The following TAF4B variants were observed in gnomAD, a reference collection of about 807,000 sequenced individuals.
TAF4B encodes the protein TATA-box binding protein associated factor 4b.
In TAF4B, 38 loss-of-function variants were observed where a neutral mutation model predicts 86.4. The ratio of observed to expected loss-of-function variants is 0.44; its 90% CI spans 0.34 to 0.58. The LOEUF (loss-of-function observed/expected upper bound fraction) is 0.58. Ranked by LOEUF, TAF4B falls within the 20% of genes least tolerant of loss-of-function variation. The pLI is 0.02. For synonymous variants in TAF4B, 388 were observed against 391.2 expected (o/e 0.99, Z 0.10); for missense variants, 988 against 1,027.6 (o/e 0.96, Z 0.53).
chr18:26,292,225 T>C (rs1319370815), intron 7 of TAF4B, 21 bp from the exon 8 acceptor site: 2 of 1,610,718 alleles, frequency 1.2e-6, no homozygotes. Flanking sequence ...ACAACTATAT[T>C]GATAGTTCTC....
intron 1 of TAF4B, among the ~76,000 whole-genome samples, chr18:26,227,638 A>C (rs978200037): frequency 1.3e-5 from 2 of 152,144 alleles, no homozygotes; most frequent in African/African-American, 4.8e-5. Context: ...CGTTGTACTT[A>C]TTTTATTAAT....
In TAF4B at chr18:26,226,864, G is replaced by C; in HGVS notation, c.-70G>C. On this transcript the variant is annotated 5_prime_UTR_variant, in exon 1 of 15. Coordinates refer to ENST00000269142, the MANE Select transcript of TAF4B (RefSeq NM_005640.3). ...CCGAACCGCACCGGAGTCGGCTGCC[G>C]CGCGCCAAGCCTCCCCTCACCTCTG... is the stretch of plus-strand genomic sequence containing the variant. The C allele has an allele frequency of 8.1e-7, 1 of 1,239,706 alleles. No individual in the cohort carries two copies. 76.8% of individuals were successfully genotyped at this position (1,239,706 alleles called of 1,614,324 possible). A position where few individuals can be genotyped will look rare whatever the true frequency, so the allele number is the denominator to read the frequency against.
At chr18:26,296,234 C>G (rs1419956160) in intron 9 of TAF4B, among the ~76,000 whole-genome samples, 3 of 152,116 alleles carry the variant, frequency 2.0e-5, no homozygotes, top group Non-Finnish European at 4.4e-5. Flanking sequence ...TCCCCTTTTG[C>G]ATTTTCTCCG....
chr18:26,296,367 C>T (rs2056661930), intron 9 of TAF4B, among the ~76,000 whole-genome samples: 3 of 151,886 alleles, frequency 2.0e-5, no homozygotes, highest in South Asian at 2.1e-4. Flanking sequence ...ACCTTTTTAG[C>T]ATTTTCTGAC....
At chr18:26,282,909 C>T (rs550063532) in intron 6 of TAF4B, among the ~76,000 whole-genome samples, 2 of 152,316 alleles carry the variant, frequency 1.3e-5, no homozygotes, top group African/African-American at 4.8e-5. Flanking sequence ...AGTTTCTTTG[C>T]TCATCTGTAA....
intron 13 of TAF4B, among the ~76,000 whole-genome samples, chr18:26,351,899 G>A (rs1444964703): frequency 6.6e-6 from 1 of 152,176 alleles, no homozygotes; most frequent in East Asian, 1.9e-4. Context: ...AAATGTGGAG[G>A]ATAAAGAGCC....
At chr18:26,257,310 A>G (rs2056098849) in intron 1 of TAF4B, among the ~76,000 whole-genome samples, 1 of 152,164 alleles carries the variant, frequency 6.6e-6, no homozygotes, top group Admixed American at 6.5e-5. Context: ...TAGCCCCATC[A>G]TTACAAAATG....
chr18:26,389,248 A>G (rs561863950), intron 14 of TAF4B, among the ~76,000 whole-genome samples: 1 of 152,298 alleles, frequency 6.6e-6, no homozygotes, highest in Middle Eastern at 3.4e-3. Flanking sequence ...ACTGGCTGCA[A>G]TTTTGTATGA....
At position 26,267,567 on chromosome 18, in the gene TAF4B, T is replaced by C; in HGVS notation, c.541T>C (p.Leu181=). 1.9e-6 allele frequency: 3 copies of C among 1,614,132 alleles called. No homozygotes were observed. Among genetic ancestry groups the C allele is most frequent in the Non-Finnish European group, 2.5e-6 (3 of 1,180,010 alleles). Reference sequence around the variant, plus strand: ...AGTGGCAGTGACACCTGTTAAAAAATTGGCACAAATAGGAACTACTGTGGT... The same window carrying C: ...AGTGGCAGTGACACCTGTTAAAAAACTGGCACAAATAGGAACTACTGTGGT... ...KKVAVTPVKK[L]AQIGTTVVTT... The change falls in exon 3 of 15, where the codon TTG becomes CTG. Residue 181 remains leucine (L), a synonymous_variant. Transcript: ENST00000269142.
intron 13 of TAF4B, among the ~76,000 whole-genome samples, chr18:26,336,664 C>A (rs1017364397): frequency 8.5e-5 from 13 of 152,190 alleles, no homozygotes; most frequent in Non-Finnish European, 7.4e-5. Context: ...ACCTATAATT[C>A]TCTTTAAGCA....
intron 13 of TAF4B, among the ~76,000 whole-genome samples, chr18:26,346,825 A>ATATATATATGTG (rs1567913906): frequency 1.0e-4 from 2 of 19,940 alleles, no homozygotes; most frequent in Non-Finnish European, 1.3e-4. Flanking sequence ...ATGTGTGTGT[A>ATATATATATGTG]TATATATATA....
At position 26,245,375 on chromosome 18, in the gene TAF4B, G is replaced by C. The variant is rs192744036; in HGVS notation, c.343+18099G>C. On this transcript the variant is annotated intron_variant, in intron 1 of 14. Transcript: ENST00000269142. ...TACAGATGGCACGGACCCAAAGAGT[G>C]AGTGGTAGCAAGGTTTACTGTGAAG... 2.6e-5 allele frequency among the ~76,000 whole-genome samples: 4 copies of C among 152,218 alleles called. No individual in the cohort carries two copies. In the South Asian group the frequency reaches 8.3e-4, roughly 32 times the overall value.
intron 1 of TAF4B, among the ~76,000 whole-genome samples, chr18:26,251,670 A>C (rs1426090208): frequency 6.6e-6 from 1 of 152,210 alleles, no homozygotes; most frequent in Non-Finnish European, 1.5e-5. Context: ...GATTGGAAAA[A>C]GTGAGTCTCA....
chr18:26,335,516 G>T (rs764626225), intron 13 of TAF4B, among the ~76,000 whole-genome samples: 1 of 152,128 alleles, frequency 6.6e-6, no homozygotes, highest in Non-Finnish European at 1.5e-5. Flanking sequence ...TAAAAAAAAA[G>T]AAACTTTTGA....
At chr18:26,304,262 A>T (rs1359072770) in intron 9 of TAF4B, among the ~76,000 whole-genome samples, 2 of 151,476 alleles carry the variant, frequency 1.3e-5, no homozygotes, top group Admixed American at 1.3e-4. Flanking sequence ...ACATGCAAGG[A>T]AGTATCCTTG....
chr18:26,277,341 CTGG>C, intron 5 of TAF4B, among the ~76,000 whole-genome samples: 1 of 152,274 alleles, frequency 6.6e-6, no homozygotes. Flanking sequence ...CCACCTTGGC[CTGG>C]CGAAGTGCTA....
intron 14 of TAF4B, among the ~76,000 whole-genome samples, chr18:26,380,073 C>T (rs2057468014): frequency 6.6e-6 from 1 of 152,064 alleles, no homozygotes; most frequent in Non-Finnish European, 1.5e-5. Context: ...TTAGGATTTG[C>T]TAAGCAAATC....
chr18:26,287,610 G>A (rs1311937317), intron 7 of TAF4B, among the ~76,000 whole-genome samples: 1 of 152,308 alleles, frequency 6.6e-6, no homozygotes, highest in East Asian at 1.9e-4. Context: ...TTTTAGTAAA[G>A]TTCTTCCCTA....
chr18:26,328,544 A>T (rs2057025104), intron 12 of TAF4B, among the ~76,000 whole-genome samples: 1 of 152,212 alleles, frequency 6.6e-6, no homozygotes, highest in East Asian at 1.9e-4. Context: ...AAAACTGTAC[A>T]AAGTACTCTC....
Sources: gnomAD v4.1 joint callset for allele counts (sites outside exome capture counted in the v4.1 genomes callset) on GRCh38, gnomAD v4.1.1 for gene constraint, MANE v1.5 for transcripts, NCBI Gene and HGNC (gene_info 2026-07-23, HGNC 2026-07-21) for gene names.